Variants in PCDH9 observed in about 807,000 individuals in gnomAD.
PCDH9 encodes protocadherin 9, also known as protocadherin-9.
Under a neutral mutation model 70.6 loss-of-function variants are expected in PCDH9, and 24 were observed. That is an observed-to-expected ratio of 0.34 (90% CI 0.25 to 0.48). PCDH9 has a LOEUF of 0.48. Among genes scored for constraint, PCDH9 ranks in the 20% least tolerant of loss-of-function variants. The pLI, the probability that PCDH9 is intolerant of heterozygous loss-of-function variation, is 0.99. For synonymous variants in PCDH9, 562 were observed against 558.5 expected (o/e 1.01, Z -0.09); for missense variants, 1,281 against 1,503.6 (o/e 0.85, Z 2.45).
At chr13:66,457,937 G>A (rs1486091953) in intron 4 of PCDH9, among the ~76,000 whole-genome samples, 1 of 151,790 alleles carries the variant, frequency 6.6e-6, no homozygotes, top group African/African-American at 2.4e-5. Flanking sequence ...CCTGCTCTCA[G>A]GTTTGCTGTC....
At chr13:66,623,337 T>TG (rs2077454944) in intron 4 of PCDH9, among the ~76,000 whole-genome samples, 2 of 152,266 alleles carry the variant, frequency 1.3e-5, no homozygotes, top group African/African-American at 4.8e-5. Context: ...TTAAACCATG[T>TG]ATTCACTGAA....
At chr13:66,751,971 G>T in intron 3 of PCDH9, among the ~76,000 whole-genome samples, 1 of 152,136 alleles carries the variant, frequency 6.6e-6, no homozygotes, top group Non-Finnish European at 1.5e-5. Context: ...GAGTAGAAAA[G>T]CATGGTTTTT....
intron 3 of PCDH9, among the ~76,000 whole-genome samples, chr13:66,825,440 C>T (rs1026680158): frequency 1.3e-5 from 2 of 148,302 alleles, no homozygotes; most frequent in African/African-American, 5.0e-5. Flanking sequence ...GGGTTCACGC[C>T]ATTCTCCTGC....
At chr13:66,879,713 C>A (rs2081889271) in intron 3 of PCDH9, among the ~76,000 whole-genome samples, 1 of 151,824 alleles carries the variant, frequency 6.6e-6, no homozygotes, top group East Asian at 1.9e-4. Context: ...CTTATTTTGT[C>A]CAGATGTAGA....
chr13:66,758,133 A>AAGTAT (rs2079565608), intron 3 of PCDH9, among the ~76,000 whole-genome samples: 1 of 152,116 alleles, frequency 6.6e-6, no homozygotes, highest in South Asian at 2.1e-4. Flanking sequence ...TGCTGTTATG[A>AAGTAT]AGTATATATA....
chr13:66,469,869 C>T (rs1958584327), intron 4 of PCDH9, among the ~76,000 whole-genome samples: 1 of 152,120 alleles, frequency 6.6e-6, no homozygotes, highest in South Asian at 2.1e-4. Context: ...TCTGCTATGT[C>T]TGTAACTGAT....
chr13:67,023,304 T>G (rs1304143831), intron 2 of PCDH9, among the ~76,000 whole-genome samples: 1 of 152,174 alleles, frequency 6.6e-6, no homozygotes, highest in Non-Finnish European at 1.5e-5. Context: ...CACCACCAAC[T>G]GTCATTTGCC....
rs921490451 is a variant in PCDH9, at chr13:66,436,458, G to A, written c.3341-131430C>T. On this transcript the variant is annotated intron_variant, in intron 4 of 4. Coordinates refer to ENST00000377865, the MANE Select transcript of PCDH9 (RefSeq NM_203487.3). ...TCTGTCAGAGAAGCACCAAATGGACGGATCCACTTACCAAAATCTTTGTAG... is the reference window on the plus strand; with the variant it reads ...TCTGTCAGAGAAGCACCAAATGGACAGATCCACTTACCAAAATCTTTGTAG... Among the ~76,000 whole-genome samples, 7 of 152,000 alleles carry A rather than the reference G, an allele frequency of 4.6e-5. No individual in the cohort carries two copies. The East Asian group carries it at 5.8e-4, about 13-fold the overall frequency.
intron 2 of PCDH9, among the ~76,000 whole-genome samples, chr13:67,122,766 C>A (rs1594541846): frequency 1.9e-5 from 2 of 104,372 alleles, no homozygotes; most frequent in East Asian, 5.9e-4. Context: ...GAGCAAGACT[C>A]TGTCTCAATA....
At chr13:66,710,720 C>G (rs1015242425) in intron 3 of PCDH9, among the ~76,000 whole-genome samples, 1 of 152,140 alleles carries the variant, frequency 6.6e-6, no homozygotes, top group Non-Finnish European at 1.5e-5. Context: ...GATATTAGGG[C>G]TGCCTTCCTC....
chr13:67,095,148 C>A (rs576779776), intron 2 of PCDH9, among the ~76,000 whole-genome samples: 40 of 152,108 alleles, frequency 2.6e-4, no homozygotes, highest in African/African-American at 8.7e-4. Context: ...CAGAAGTAGG[C>A]ATTAGTCTTT....
At chr13:67,029,932 C>A (rs745941727) in intron 2 of PCDH9, among the ~76,000 whole-genome samples, 3 of 152,140 alleles carry the variant, frequency 2.0e-5, no homozygotes, top group African/African-American at 7.2e-5. Flanking sequence ...TTAGCAGAAG[C>A]CTTGAAACAC....
chr13:66,713,625 G>GTGTGTATATATATATATATATA (rs1379996611), intron 3 of PCDH9, among the ~76,000 whole-genome samples: 7 of 109,994 alleles, frequency 6.4e-5, no homozygotes, highest in African/African-American at 2.6e-4. Flanking sequence ...GTGTGTGTGT[G>GTGTGTATATATATATATATATA]TATATATATA....
chr13:67,210,781 G>A (rs2089452464), intron 2 of PCDH9: 1 of 151,930 alleles, frequency 6.6e-6, no homozygotes, highest in Admixed American at 6.6e-5. Flanking sequence ...TTTTTAAAAT[G>A]GGAAAATTTA....
At chr13:66,977,138 G>A (rs968766534) in intron 2 of PCDH9, among the ~76,000 whole-genome samples, 1 of 152,018 alleles carries the variant, frequency 6.6e-6, no homozygotes, top group South Asian at 2.1e-4. Context: ...CTCCCTCTGT[G>A]ATAATTAATA....
At chr13:67,201,829 G>T (rs1458718825) in intron 2 of PCDH9, 1 of 151,854 alleles carries the variant, frequency 6.6e-6, no homozygotes, top group East Asian at 1.9e-4. Context: ...ATTTCACAAA[G>T]TACCAATTTA....
At chr13:66,447,314 T>C (rs1958112486) in intron 4 of PCDH9, among the ~76,000 whole-genome samples, 1 of 152,058 alleles carries the variant, frequency 6.6e-6, no homozygotes, top group African/African-American at 2.4e-5. Context: ...ACATAACTAA[T>C]AGCCTTGGAG....
intron 4 of PCDH9, among the ~76,000 whole-genome samples, chr13:66,592,880 T>C (rs934595275): frequency 7.9e-5 from 12 of 151,898 alleles, no homozygotes; most frequent in African/African-American, 2.4e-4. Flanking sequence ...AGGATAGATA[T>C]AATTTAATGT....
chr13:66,996,611 A>C (rs1012641970), intron 2 of PCDH9, among the ~76,000 whole-genome samples: 2 of 152,240 alleles, frequency 1.3e-5, no homozygotes, highest in South Asian at 4.1e-4. Flanking sequence ...CATCAACATT[A>C]TAAATTAAGT....
Sources: gnomAD v4.1 joint callset for allele counts (sites outside exome capture counted in the v4.1 genomes callset) on GRCh38, gnomAD v4.1.1 for gene constraint, MANE v1.5 for transcripts, NCBI Gene and HGNC (gene_info 2026-07-23, HGNC 2026-07-21) for gene names.